The following SHISA6 variants were observed in gnomAD, a reference collection of about 807,000 sequenced individuals.
SHISA6 encodes the protein shisa family member 6, also known as protein shisa-6.
Under a neutral mutation model 47.9 loss-of-function variants are expected in SHISA6, and 22 were observed. The observed-to-expected ratio is 0.46, with a 90% CI of 0.33 to 0.66. The LOEUF is 0.66. SHISA6 is among the 30% of genes least tolerant of loss of function. The pLI is 0.02. For synonymous variants in SHISA6, 388 were observed against 337.8 expected (o/e 1.15, Z -1.63); for missense variants, 680 against 764.6 (o/e 0.89, Z 1.30).
chr17:11,490,590 C>T (rs1916450649), intron 3 of SHISA6, among the ~76,000 whole-genome samples: 1 of 152,146 alleles, frequency 6.6e-6, no homozygotes, highest in African/African-American at 2.4e-5. Flanking sequence ...TCTGAGCCCA[C>T]ATGCGCTACT....
intron 3 of SHISA6, among the ~76,000 whole-genome samples, chr17:11,469,018 C>CAAA (rs61191316): frequency 9.6e-4 from 44 of 46,070 alleles, no homozygotes; most frequent in South Asian, 2.4e-3. Flanking sequence ...GACTCCGTCT[C>CAAA]AAAAAAAAAA....
intron 2 of SHISA6, among the ~76,000 whole-genome samples, chr17:11,323,311 A>G (rs1910770094): frequency 6.6e-6 from 1 of 152,162 alleles, no homozygotes; most frequent in Non-Finnish European, 1.5e-5. Context: ...TGAGACAGAG[A>G]GAAAGGATTT....
chr17:11,291,052 A>G (rs1668187575), intron 2 of SHISA6, among the ~76,000 whole-genome samples: 1 of 151,842 alleles, frequency 6.6e-6, no homozygotes, highest in Non-Finnish European at 1.5e-5. Flanking sequence ...ATAATAAATT[A>G]TTTATTCTAA....
At chr17:11,389,432 C>T (rs1913314149) in intron 3 of SHISA6, among the ~76,000 whole-genome samples, 1 of 152,182 alleles carries the variant, frequency 6.6e-6, no homozygotes, top group Admixed American at 6.5e-5. Flanking sequence ...TCCCATGGCC[C>T]CCGGTAGGGA....
intron 3 of SHISA6, among the ~76,000 whole-genome samples, chr17:11,430,662 C>T (rs1032069023): frequency 6.6e-6 from 1 of 152,122 alleles, no homozygotes; most frequent in African/African-American, 2.4e-5. Flanking sequence ...TCACCTTTAC[C>T]TTGGCTGACC....
At position 11,435,346 on chromosome 17, in the gene SHISA6, A is replaced by G. The variant is rs7220674; in HGVS notation, c.895+55837A>G. Among the ~76,000 whole-genome samples the G allele has an allele frequency of 8.5e-3, 1,295 of 152,284 alleles. 19 individuals are homozygous for G. Among genetic ancestry groups the G allele is most frequent in the African/African-American group, 0.03 (1,227 of 41,552 alleles). On this transcript the variant is annotated intron_variant, in intron 3 of 5. Coordinates refer to ENST00000441885, the MANE Select transcript of SHISA6 (RefSeq NM_207386.4). ...AACAGGAAAATATCTTTTATAAACT[A>G]TAACAAAAGTCTCACCTCAAAATAA...
Position 11,312,532 on chromosome 17 carries a change from T to C in SHISA6, c.799+49006T>C, listed in dbSNP as rs796740900. ...TAAAAAGCAAAATATACCACTCACC[T>C]CCTTTTTTACTCCTAGATCAATGAT... is the stretch of plus-strand genomic sequence containing the variant. On this transcript the variant is annotated intron_variant, in intron 2 of 5. Transcript: ENST00000441885. Among the ~76,000 whole-genome samples the C allele has an allele frequency of 2.6e-4, 39 of 152,302 alleles. 1 individual carries two copies. Among genetic ancestry groups the C allele is most frequent in the African/African-American group, 7.9e-4 (33 of 41,568 alleles).
intron 3 of SHISA6, among the ~76,000 whole-genome samples, chr17:11,474,403 T>C (rs973546524): frequency 1.2e-5 from 1 of 85,220 alleles, no homozygotes; most frequent in African/African-American, 6.8e-5. Flanking sequence ...CACTTTTTGA[T>C]GGTTTTTTTT....
At position 11,406,011 on chromosome 17, in the gene SHISA6, A is replaced by T. The variant is rs546991125; in HGVS notation, c.895+26502A>T. ...ACATATTTTCATCATAGAAGAGCTCATTGAAACACATCCCTTTCTAGAGAT... is the reference window on the plus strand; with the variant it reads ...ACATATTTTCATCATAGAAGAGCTCTTTGAAACACATCCCTTTCTAGAGAT... On this transcript the variant is annotated intron_variant, in intron 3 of 5. Coordinates refer to ENST00000441885, the MANE Select transcript of SHISA6 (RefSeq NM_207386.4). Among the ~76,000 whole-genome samples the T allele has an allele frequency of 7.2e-5, 11 of 152,324 alleles. No homozygotes were observed. In the East Asian group the frequency reaches 1.9e-3, roughly 27 times the overall value.
chr17:11,318,622 A>G (rs1286635835), intron 2 of SHISA6, among the ~76,000 whole-genome samples: 1 of 152,212 alleles, frequency 6.6e-6, no homozygotes, highest in Non-Finnish European at 1.5e-5. Context: ...TTATGTATGT[A>G]CGTATGTGTT....
intron 2 of SHISA6, among the ~76,000 whole-genome samples, chr17:11,347,936 G>T (rs565295091): frequency 9.2e-5 from 14 of 152,314 alleles, no homozygotes; most frequent in African/African-American, 3.4e-4. Context: ...AAAGATCCTT[G>T]GGGATGTATG....
At chr17:11,455,727 A>C (rs915370547) in intron 3 of SHISA6, among the ~76,000 whole-genome samples, 1 of 152,144 alleles carries the variant, frequency 6.6e-6, no homozygotes, top group African/African-American at 2.4e-5. Flanking sequence ...GAGGGGTCAC[A>C]TTCCATTTTA....
At chr17:11,370,331 A>G (rs1292970881) in intron 2 of SHISA6, among the ~76,000 whole-genome samples, 3 of 152,108 alleles carry the variant, frequency 2.0e-5, no homozygotes, top group East Asian at 1.9e-4. Context: ...CTCAATTACA[A>G]CGGGTGAGTT....
intron 2 of SHISA6, among the ~76,000 whole-genome samples, chr17:11,328,116 CT>C (rs1910970417): frequency 6.6e-6 from 1 of 152,204 alleles, no homozygotes; most frequent in African/African-American, 2.4e-5. Flanking sequence ...ATTTCTTCAT[CT>C]ATCAAATGGA....
chr17:11,329,431 G>C (rs1229238112), intron 2 of SHISA6, among the ~76,000 whole-genome samples: 1 of 152,156 alleles, frequency 6.6e-6, no homozygotes, highest in African/African-American at 2.4e-5. Flanking sequence ...ACTGTCCGTG[G>C]ATAAGCATAG....
At chr17:11,257,093 A>G (rs1033949223) in intron 1 of SHISA6, among the ~76,000 whole-genome samples, 5 of 152,194 alleles carry the variant, frequency 3.3e-5, no homozygotes, top group Non-Finnish European at 7.3e-5. Context: ...AACAAATGAG[A>G]TCTCCACAGC....
At chr17:11,551,357 C>T (rs1036538190) in intron 3 of SHISA6, among the ~76,000 whole-genome samples, 5 of 152,194 alleles carry the variant, frequency 3.3e-5, no homozygotes, top group African/African-American at 1.2e-4. Context: ...GAATCCAGGA[C>T]TCCTGATCTC....
At chr17:11,302,528 G>T (rs1909965530) in intron 2 of SHISA6, among the ~76,000 whole-genome samples, 1 of 152,164 alleles carries the variant, frequency 6.6e-6, no homozygotes, top group Non-Finnish European at 1.5e-5. Context: ...GGTACATCTG[G>T]TACATGAACG....
chr17:11,367,160 A>G (rs919666138), intron 2 of SHISA6, among the ~76,000 whole-genome samples: 1 of 151,996 alleles, frequency 6.6e-6, no homozygotes, highest in Non-Finnish European at 1.5e-5. Flanking sequence ...TGGCTGGGGG[A>G]ATGGGGTGAA....
Sources: allele counts gnomAD v4.1 joint callset (sites outside exome capture counted in the v4.1 genomes callset), GRCh38; gene constraint gnomAD v4.1.1; transcripts MANE v1.5; gene names NCBI Gene and HGNC (gene_info 2026-07-23, HGNC 2026-07-21).